TRA2B: variants seen among roughly 807,000 people sequenced by gnomAD.
TRA2B encodes transformer 2 beta homolog, also known as transformer-2 protein homolog beta.
A neutral mutation model predicts 41.7 loss-of-function variants in TRA2B; 14 were observed. The ratio of observed to expected loss-of-function variants is 0.34; its 90% CI spans 0.22 to 0.53. TRA2B has a LOEUF of 0.53. TRA2B is among the 20% of genes least tolerant of loss of function. The pLI is 0.95. For synonymous variants in TRA2B, 130 were observed against 128.8 expected (o/e 1.01, Z -0.06); for missense variants, 167 against 396.8 (o/e 0.42, Z 4.92).
intron 1 of TRA2B, chr3:185,935,329 T>C (rs1744305817): frequency 1.0e-6 from 1 of 983,988 alleles, no homozygotes; most frequent in Non-Finnish European, 1.2e-6. Context: ...TTAGTGTTAA[T>C]CTATTACCTT....
intron 1 of TRA2B, 155 bp from the exon 2 acceptor site, chr3:185,926,889 G>T: frequency 1.2e-6 from 1 of 811,612 alleles, no homozygotes. Context: ...GGTGTTAATA[G>T]TTTCATTGCT....
intron 5 of TRA2B, 49 bp downstream of exon 5, chr3:185,921,962 T>C (rs1193786009): frequency 1.7e-5 from 24 of 1,422,352 alleles, no homozygotes; most frequent in African/African-American, 7.1e-5. Context: ...AAGTGTTTCT[T>C]TGACAAGTGA....
intron 7 of TRA2B, 137 bp from the exon 8 acceptor site, chr3:185,918,575 A>C (rs1743593035): frequency 1.9e-6 from 1 of 515,362 alleles, no homozygotes; most frequent in Non-Finnish European, 3.4e-6. Context: ...AGGTCTGTTT[A>C]AATCTTGAGA....
intron 5 of TRA2B, 87 bp from the exon 6 acceptor site, chr3:185,921,274 T>A: frequency 9.0e-7 from 1 of 1,114,210 alleles, no homozygotes; most frequent in Non-Finnish European, 1.4e-6. Context: ...TCTGACACAT[T>A]AACTGGAAAA....
rs1464554557 is a variant in TRA2B at position 185,926,882 on chromosome 3, G to A, written c.37-148C>T. 8.0e-6 allele frequency: 7 copies of A among 875,626 alleles called. No individual in the cohort carries two copies. The East Asian group carries it at 8.4e-5, about 10-fold the overall frequency. The allele number at this position is 875,626 out of a possible 1,614,324, so 54.2% of individuals were successfully genotyped here. ...AGGGCAGGAACTGAATATACCTGGT[G>A]TTAATAGTTTCATTGCTCCAAATGA... On this transcript the variant is annotated intron_variant, in intron 1 of 8. Transcript: ENST00000453386.
At chr3:185,930,960 T>G (rs1438511330) in intron 1 of TRA2B, among the ~76,000 whole-genome samples, 2 of 152,212 alleles carry the variant, frequency 1.3e-5, no homozygotes, top group Non-Finnish European at 2.9e-5. Context: ...AAATAGGCAT[T>G]AAACAGAAAC....
chr3:185,931,089 G>T (rs564881814), intron 1 of TRA2B, among the ~76,000 whole-genome samples: 2 of 152,270 alleles, frequency 1.3e-5, no homozygotes, highest in South Asian at 4.1e-4. Context: ...ATGCCAAAGG[G>T]AACTATTTTG....
chr3:185,937,446 C>T, intron 1 of TRA2B: 2 of 1,039,430 alleles, frequency 1.9e-6, no homozygotes. Context: ...TCTGGCAGCT[C>T]GCCCAGCCCG....
intron 2 of TRA2B, 130 bp downstream of exon 2, chr3:185,926,471 A>G (rs1743957638): frequency 1.6e-6 from 2 of 1,218,704 alleles, no homozygotes; most frequent in South Asian, 3.4e-5. Context: ...CCAGAACTTA[A>G]GTTCACTTCT....
rs1340623486 is a variant in TRA2B, at chr3:185,934,417, A to T, written c.36+3408T>A. On this transcript the variant is annotated intron_variant, in intron 1 of 8. Transcript: ENST00000453386. ...TCCTTTTCAACCTTTTGGCAAAACCAGTAGTACTTACCTTATAAAATCACC... is the reference window on the plus strand; with the variant it reads ...TCCTTTTCAACCTTTTGGCAAAACCTGTAGTACTTACCTTATAAAATCACC... The T allele has an allele frequency of 3.0e-6, 3 of 985,330 alleles. No homozygotes were observed. The African/African-American group carries it at 5.2e-5, about 17-fold the overall frequency. 61.0% of individuals were successfully genotyped at this position (985,330 alleles called of 1,614,324 possible).
intron 1 of TRA2B, chr3:185,931,474 T>C: frequency 1.2e-6 from 1 of 851,438 alleles, no homozygotes; most frequent in Non-Finnish European, 1.4e-6. Flanking sequence ...ACGTTTCCCC[T>C]GGAAGGCACT....
At chr3:185,928,832 G>C (rs963868355) in intron 1 of TRA2B, 1 of 152,198 alleles carries the variant, frequency 6.6e-6, no homozygotes, top group Non-Finnish European at 1.5e-5. Context: ...AAGGAAGAAT[G>C]GGTCAAGTCA....
At chr3:185,925,323 ACT>A (rs927862538) in intron 3 of TRA2B, 139 bp downstream of exon 3, 30 of 950,694 alleles carry the variant, frequency 3.2e-5, no homozygotes, top group Non-Finnish European at 3.2e-5. Flanking sequence ...AACTTAAAAG[ACT>A]CTCTCAAAAC....
Position 185,917,584 on chromosome 3 carries a change from G to T in TRA2B, c.*131C>A. ...CAGCATTTCAACTCCACCAAAAGTA[G>T]TCATCGTAAAAGGTGTAAAAGTCAC... On this transcript the variant is annotated 3_prime_UTR_variant, in exon 9 of 9. Coordinates refer to ENST00000453386, the MANE Select transcript of TRA2B (RefSeq NM_004593.3). The T allele has an allele frequency of 1.2e-6, 1 of 819,338 alleles. No homozygotes were observed. Among genetic ancestry groups the T allele is most frequent in the Non-Finnish European group, 1.9e-6 (1 of 520,740 alleles). The allele number at this position is 819,338 out of a possible 1,614,324, so 50.8% of individuals were successfully genotyped here.
At chr3:185,930,558 T>C (rs780311915) in intron 1 of TRA2B, among the ~76,000 whole-genome samples, 2 of 152,222 alleles carry the variant, frequency 1.3e-5, no homozygotes, top group Non-Finnish European at 2.9e-5. Flanking sequence ...CATGATACCC[T>C]TGGCATTCTC....
chr3:185,922,163 A>G, intron 4 of TRA2B, 37 bp from the exon 5 acceptor site: 1 of 1,481,738 alleles, frequency 6.7e-7, no homozygotes, highest in Non-Finnish European at 9.4e-7. Flanking sequence ...TACATCCTGA[A>G]CAAAGCCACT....
At position 185,934,588 on chromosome 3, in the gene TRA2B, TTCC is replaced by T. The variant is rs367908639; in HGVS notation, c.36+3234_36+3236del. 332 of 985,418 alleles carry T rather than the reference TTCC, an allele frequency of 3.4e-4. No individual in the cohort carries two copies. The African/African-American group carries it at 5.3e-3, about 16-fold the overall frequency. The allele number at this position is 985,418 out of a possible 1,614,324, so 61.0% of individuals were successfully genotyped here. On this transcript the variant is annotated intron_variant, in intron 1 of 8. Transcript: ENST00000453386. The stretch of plus-strand genomic sequence containing the variant: ...AACCAGACTCACAATACAAAACAAT[TTCC>T]TCCTATTTGACAATTCAATCCTTTT...
At chr3:185,935,582 CA>C in intron 1 of TRA2B, 1 of 985,380 alleles carries the variant, frequency 1.0e-6, no homozygotes. Flanking sequence ...GGGAGAATTC[CA>C]CTGATTTGAA....
chr3:185,933,442 G>A (rs536390422), intron 1 of TRA2B, among the ~76,000 whole-genome samples: 19 of 152,232 alleles, frequency 1.2e-4, no homozygotes, highest in South Asian at 8.3e-4. Context: ...ACCCTAGTTA[G>A]AAATAAACAG....
Sources: gnomAD v4.1 joint callset for allele counts (sites outside exome capture counted in the v4.1 genomes callset) on GRCh38, gnomAD v4.1.1 for gene constraint, MANE v1.5 for transcripts, NCBI Gene and HGNC (gene_info 2026-07-23, HGNC 2026-07-21) for gene names.